Variants in RUNX2 observed in about 807,000 individuals in gnomAD.
RUNX2 encodes the protein runt-related transcription factor 2.
Under a neutral mutation model 51.7 loss-of-function variants are expected in RUNX2, and 10 were observed. The observed-to-expected ratio is 0.19, with a 90% CI of 0.12 to 0.33. RUNX2 has a LOEUF of 0.33. RUNX2 is among the 10% of genes least tolerant of loss of function. The probability of loss-of-function intolerance (pLI) is 1.00; values close to 1 mark genes in which losing one functional copy is unlikely to be tolerated. For missense variants in RUNX2, 562 were observed against 691.3 expected (o/e 0.81, Z 2.10); for synonymous variants, 276 against 273.6 (o/e 1.01, Z -0.09).
At chr6:45,393,431 A>AT (rs112000848) in intron 2 of RUNX2, among the ~76,000 whole-genome samples, 282 of 146,550 alleles carry the variant, frequency 1.9e-3, no homozygotes, top group South Asian at 8.2e-3. Flanking sequence ...GTAAAGTAAG[A>AT]TTTTTTTTTT....
intron 2 of RUNX2, among the ~76,000 whole-genome samples, chr6:45,393,516 G>A (rs945103490): frequency 1.3e-5 from 2 of 151,742 alleles, no homozygotes; most frequent in African/African-American, 2.4e-5. Flanking sequence ...TGCAACCTCT[G>A]CCTCCCAGGT....
intron 5 of RUNX2, among the ~76,000 whole-genome samples, chr6:45,469,514 A>G (rs1264157740): frequency 4.6e-5 from 7 of 152,260 alleles, no homozygotes; most frequent in Admixed American, 2.6e-4. Flanking sequence ...ATATGTGTCC[A>G]CTGGAATTAT....
chr6:45,351,965 C>T (rs1361508216), intron 2 of RUNX2, among the ~76,000 whole-genome samples: 1 of 152,144 alleles, frequency 6.6e-6, no homozygotes, highest in Non-Finnish European at 1.5e-5. Flanking sequence ...CTTTCTGTCC[C>T]TAATTCTACC....
chr6:45,458,335 G>A (rs1420345932), intron 5 of RUNX2, among the ~76,000 whole-genome samples: 1 of 152,036 alleles, frequency 6.6e-6, no homozygotes, highest in African/African-American at 2.4e-5. Flanking sequence ...CTTGGGGTAG[G>A]AAATTAAAAA....
At chr6:45,503,193 T>A (rs947231409) in intron 6 of RUNX2, among the ~76,000 whole-genome samples, 1 of 152,204 alleles carries the variant, frequency 6.6e-6, no homozygotes, top group Non-Finnish European at 1.5e-5. Context: ...GTTATATGAT[T>A]ATTTGATTAA....
intron 2 of RUNX2, among the ~76,000 whole-genome samples, chr6:45,379,066 A>G (rs1172347147): frequency 6.6e-6 from 1 of 152,188 alleles, no homozygotes; most frequent in Non-Finnish European, 1.5e-5. Context: ...ATTTGCTTAA[A>G]TTGTTTAAAA....
chr6:45,333,789 C>A (rs931448676), intron 2 of RUNX2, among the ~76,000 whole-genome samples: 4 of 151,172 alleles, frequency 2.6e-5, no homozygotes, highest in Non-Finnish European at 5.9e-5. Context: ...CATGCACTTC[C>A]TCTACTCTAT....
chr6:45,392,896 C>T (rs1407248212), intron 2 of RUNX2, among the ~76,000 whole-genome samples: 1 of 152,100 alleles, frequency 6.6e-6, no homozygotes, highest in African/African-American at 2.4e-5. Context: ...AATCGGCCCA[C>T]AGTTCTTGGA....
chr6:45,430,833 A>C (rs1798522170), intron 3 of RUNX2, among the ~76,000 whole-genome samples: 1 of 152,202 alleles, frequency 6.6e-6, no homozygotes, highest in Non-Finnish European at 1.5e-5. Context: ...AGACATGGAA[A>C]TAATCTGAAT....
intron 6 of RUNX2, among the ~76,000 whole-genome samples, chr6:45,504,693 A>G (rs1800905478): frequency 2.0e-5 from 3 of 152,242 alleles, no homozygotes; most frequent in Admixed American, 1.3e-4. Context: ...TGTCTGTATT[A>G]TGAATGACAG....
rs78504702 is a variant in RUNX2 at position 45,540,712 on chromosome 6, C to T, written c.1022-4505C>T. On this transcript the variant is annotated intron_variant, in intron 7 of 8. Transcript: ENST00000647337. ...ATTAACCCAGGATCATAAGGAAGGACGAGTGTGCTTACCTAACAGCAGGCC... is the reference window on the plus strand; with the variant it reads ...ATTAACCCAGGATCATAAGGAAGGATGAGTGTGCTTACCTAACAGCAGGCC... Among the ~76,000 whole-genome samples, 85 of 152,268 alleles carry T rather than the reference C, an allele frequency of 5.6e-4. 3 individuals are homozygous for T. The East Asian group carries it at 0.015, about 27-fold the overall frequency.
chr6:45,503,680 G>C (rs1563114593), intron 6 of RUNX2, among the ~76,000 whole-genome samples: 1 of 152,140 alleles, frequency 6.6e-6, no homozygotes, highest in Non-Finnish European at 1.5e-5. Flanking sequence ...GCCAGGACAG[G>C]TATGACATGT....
chr6:45,404,382 C>T (rs1236042796), intron 2 of RUNX2, among the ~76,000 whole-genome samples: 2 of 152,058 alleles, frequency 1.3e-5, no homozygotes, highest in Non-Finnish European at 2.9e-5. Flanking sequence ...AAACTCTCTC[C>T]TGCTCTAGGA....
At chr6:45,346,567 C>CTTTTTTTTTTTTT (rs71745024) in intron 2 of RUNX2, among the ~76,000 whole-genome samples, 1 of 140,430 alleles carries the variant, frequency 7.1e-6, no homozygotes. Context: ...ATAAACATTT[C>CTTTTTTTTTTTTT]TTTTTTTTTT....
chr6:45,515,545 C>T (rs1253358267), intron 7 of RUNX2, among the ~76,000 whole-genome samples: 3 of 152,102 alleles, frequency 2.0e-5, no homozygotes, highest in Non-Finnish European at 2.9e-5. Flanking sequence ...AGATAAAAAT[C>T]TAAACTTTTA....
chr6:45,501,777 C>G (rs1800806878), intron 6 of RUNX2, among the ~76,000 whole-genome samples: 1 of 152,114 alleles, frequency 6.6e-6, no homozygotes, highest in Non-Finnish European at 1.5e-5. Flanking sequence ...CTGATAGTCA[C>G]TGTGGGATGA....
At chr6:45,411,474 G>A (rs1048551253) in intron 2 of RUNX2, among the ~76,000 whole-genome samples, 36 of 152,106 alleles carry the variant, frequency 2.4e-4, no homozygotes, top group African/African-American at 8.2e-4. Flanking sequence ...GAATTTTTAT[G>A]GTTGAGTTTG....
intron 4 of RUNX2, 37 bp downstream of exon 4, chr6:45,432,056 G>A (rs761678181): frequency 2.5e-6 from 4 of 1,596,454 alleles, no homozygotes; most frequent in Non-Finnish European, 3.4e-6. Flanking sequence ...AATAGAATAA[G>A]CACATTAGGC....
chr6:45,529,665 G>GA (rs1801781323), intron 7 of RUNX2, among the ~76,000 whole-genome samples: 1 of 152,006 alleles, frequency 6.6e-6, no homozygotes, highest in South Asian at 2.1e-4. Context: ...GAATGGAGGT[G>GA]AAAAAATGTA....
Sources: allele counts gnomAD v4.1 joint callset (sites outside exome capture counted in the v4.1 genomes callset), GRCh38; gene constraint gnomAD v4.1.1; transcripts MANE v1.5; gene names NCBI Gene and HGNC (gene_info 2026-07-23, HGNC 2026-07-21).